Variants in EXOC4 observed in about 807,000 individuals in gnomAD.
EXOC4 encodes exocyst complex component 4.
A neutral mutation model predicts 107.2 loss-of-function variants in EXOC4; 71 were observed. That is an observed-to-expected ratio of 0.66 (90% CI 0.55 to 0.81). The LOEUF (loss-of-function observed/expected upper bound fraction) is 0.81. Ranked by LOEUF, EXOC4 falls within the 30% of genes least tolerant of loss-of-function variation. The pLI is 0.00. For synonymous variants in EXOC4, 456 were observed against 441.2 expected, an observed-to-expected ratio of 1.03 and a Z score of -0.42; for missense variants, 1,108 against 1,189.6, an observed-to-expected ratio of 0.93 and a Z score of 1.01.
chr7:133,576,772 G>A (rs1209815348), intron 9 of EXOC4: 1 of 1,289,510 alleles, frequency 7.8e-7, no homozygotes, highest in Non-Finnish European at 1.0e-6. Flanking sequence ...GTAACTGTGA[G>A]GCTTTTACAC....
chr7:133,782,822 A>C (rs1435293181), intron 10 of EXOC4, among the ~76,000 whole-genome samples: 1 of 152,196 alleles, frequency 6.6e-6, no homozygotes, highest in Non-Finnish European at 1.5e-5. Context: ...ATTGTGAGGC[A>C]TGTATGGAAA....
At chr7:133,335,610 C>T (rs1247205382) in intron 5 of EXOC4, among the ~76,000 whole-genome samples, 1 of 152,158 alleles carries the variant, frequency 6.6e-6, no homozygotes. Context: ...TGTCAATGGA[C>T]ATTTGGCTAT....
chr7:133,851,870 C>G (rs1381972516), intron 11 of EXOC4, among the ~76,000 whole-genome samples: 1 of 152,150 alleles, frequency 6.6e-6, no homozygotes, highest in South Asian at 2.1e-4. Flanking sequence ...ATTTGATCTT[C>G]CCACGAGTCA....
At chr7:133,595,928 A>G (rs1212753932) in intron 9 of EXOC4, among the ~76,000 whole-genome samples, 8 of 152,158 alleles carry the variant, frequency 5.3e-5, no homozygotes, top group Non-Finnish European at 1.5e-5. Context: ...ACAGAGCCAA[A>G]TACCAGATTC....
At chr7:133,578,444 C>A (rs1339778911) in intron 9 of EXOC4, among the ~76,000 whole-genome samples, 6 of 152,022 alleles carry the variant, frequency 3.9e-5, no homozygotes, top group Non-Finnish European at 7.4e-5. Flanking sequence ...TATGAGTGAT[C>A]GTAGAATTTC....
At chr7:133,550,701 G>C (rs1178965551) in intron 9 of EXOC4, among the ~76,000 whole-genome samples, 1 of 152,066 alleles carries the variant, frequency 6.6e-6, no homozygotes, top group Non-Finnish European at 1.5e-5. Context: ...ATACTGTCCA[G>C]AGTTCCCTAA....
At chr7:133,667,525 C>A (rs1793847649) in intron 10 of EXOC4, among the ~76,000 whole-genome samples, 1 of 152,118 alleles carries the variant, frequency 6.6e-6, no homozygotes, top group African/African-American at 2.4e-5. Flanking sequence ...GTTTATTGAG[C>A]CCGTGTGGAG....
At chr7:133,329,319 C>G (rs1468875876) in intron 5 of EXOC4, among the ~76,000 whole-genome samples, 1 of 152,168 alleles carries the variant, frequency 6.6e-6, no homozygotes, top group Non-Finnish European at 1.5e-5. Context: ...AGCCATTTGT[C>G]TAACCCTTTT....
intron 10 of EXOC4, among the ~76,000 whole-genome samples, chr7:133,678,914 C>T (rs1794124818): frequency 6.6e-6 from 1 of 152,190 alleles, no homozygotes; most frequent in Admixed American, 6.5e-5. Context: ...GCCACCACAC[C>T]TGGCCAGCTT....
intron 9 of EXOC4, among the ~76,000 whole-genome samples, chr7:133,594,807 T>A (rs894548051): frequency 6.6e-6 from 1 of 152,048 alleles, no homozygotes; most frequent in Admixed American, 6.6e-5. Flanking sequence ...TGAGTCTTTT[T>A]AAGCCTACTC....
intron 10 of EXOC4, among the ~76,000 whole-genome samples, chr7:133,795,896 T>G (rs558147305): frequency 2.6e-5 from 4 of 152,206 alleles, no homozygotes; most frequent in Non-Finnish European, 5.9e-5. Context: ...TTTAAAAACA[T>G]CCTTAAGCTT....
chr7:133,459,163 G>A (rs1232464111), intron 7 of EXOC4, among the ~76,000 whole-genome samples: 1 of 152,150 alleles, frequency 6.6e-6, no homozygotes, highest in East Asian at 1.9e-4. Context: ...CGTTAACATG[G>A]TTGGTATTTA....
the EXOC4 span, among the ~76,000 whole-genome samples, chr7:134,090,962 T>C: frequency 6.6e-6 from 1 of 151,880 alleles, no homozygotes; most frequent in East Asian, 1.9e-4. Context: ...ATCCCATTCT[T>C]TACCCAGGTA....
chr7:133,658,429 A>T (rs1160752886), intron 10 of EXOC4, among the ~76,000 whole-genome samples: 1 of 152,156 alleles, frequency 6.6e-6, no homozygotes, highest in Non-Finnish European at 1.5e-5. Context: ...AAGGAGGTCC[A>T]CATCTGTTAC....
chr7:133,479,340 C>T (rs188307154), intron 8 of EXOC4: 1 of 152,234 alleles, frequency 6.6e-6, no homozygotes, highest in East Asian at 1.9e-4. Flanking sequence ...TGTTCTTTAT[C>T]ATGAGTCTCT....
At chr7:133,534,440 A>C (rs1373147066) in intron 9 of EXOC4, among the ~76,000 whole-genome samples, 1 of 152,146 alleles carries the variant, frequency 6.6e-6, no homozygotes, top group Non-Finnish European at 1.5e-5. Flanking sequence ...CCTCTTCATC[A>C]ATGTCACATT....
chr7:133,954,867 G>A (rs1182256913), intron 14 of EXOC4, among the ~76,000 whole-genome samples: 1 of 152,260 alleles, frequency 6.6e-6, no homozygotes, highest in Non-Finnish European at 1.5e-5. Context: ...CCAGGGACCA[G>A]CATAGGCACC....
chr7:133,588,279 C>A (rs533287720), intron 9 of EXOC4, among the ~76,000 whole-genome samples: 9 of 152,176 alleles, frequency 5.9e-5, no homozygotes, highest in African/African-American at 9.7e-5. Flanking sequence ...GAATTAAATA[C>A]CATGGACACA....
At chr7:133,466,059 C>A (rs1031118200) in intron 7 of EXOC4, among the ~76,000 whole-genome samples, 2 of 151,832 alleles carry the variant, frequency 1.3e-5, no homozygotes, top group Non-Finnish European at 2.9e-5. Flanking sequence ...ATCACTTGAA[C>A]CCAGGAAGTG....
Sources: allele counts gnomAD v4.1 joint callset (sites outside exome capture counted in the v4.1 genomes callset), GRCh38; gene constraint gnomAD v4.1.1; transcripts MANE v1.5; gene names NCBI Gene and HGNC (gene_info 2026-07-23, HGNC 2026-07-21).